The following KCNJ6 variants were observed in gnomAD, a reference collection of about 807,000 sequenced individuals.
KCNJ6 encodes potassium inwardly rectifying channel subfamily J member 6.
KCNJ6 carries 9 observed loss-of-function variants against 34.2 expected under a neutral mutation model. The ratio of observed to expected loss-of-function variants is 0.26; its 90% CI spans 0.16 to 0.46. The LOEUF is 0.46. Among genes scored for constraint, KCNJ6 ranks in the 20% least tolerant of loss-of-function variants. The probability of loss-of-function intolerance (pLI) is 1.00; values close to 1 mark genes in which losing one functional copy is unlikely to be tolerated. For synonymous variants in KCNJ6, 196 were observed against 207.1 expected (o/e 0.95, Z 0.46); for missense variants, 236 against 531.3 (o/e 0.44, Z 5.46).
intron 3 of KCNJ6, among the ~76,000 whole-genome samples, chr21:37,662,386 G>A (rs1384749725): frequency 6.6e-6 from 1 of 152,178 alleles, no homozygotes; most frequent in Non-Finnish European, 1.5e-5. Flanking sequence ...GGTTTGCTAA[G>A]GATAATGGCT....
chr21:37,810,282 T>C (rs116707046), intron 2 of KCNJ6, among the ~76,000 whole-genome samples: 2 of 152,230 alleles, frequency 1.3e-5, no homozygotes, highest in East Asian at 1.9e-4. Context: ...TGAATGATTA[T>C]ACCATAATTA....
intron 1 of KCNJ6, among the ~76,000 whole-genome samples, chr21:37,870,328 G>A (rs541961082): frequency 6.6e-6 from 1 of 150,844 alleles, no homozygotes; most frequent in East Asian, 2.0e-4. Context: ...GCCATCAATA[G>A]CCAGCATTAA....
intron 3 of KCNJ6, among the ~76,000 whole-genome samples, chr21:37,674,226 G>A (rs1054787202): frequency 8.5e-5 from 13 of 152,138 alleles, no homozygotes; most frequent in Non-Finnish European, 1.9e-4. Context: ...GCTGCTATCT[G>A]CACATTGTGT....
chr21:37,705,157 G>T (rs1288258538), intron 3 of KCNJ6, among the ~76,000 whole-genome samples: 1 of 152,178 alleles, frequency 6.6e-6, no homozygotes, highest in South Asian at 2.1e-4. Flanking sequence ...AGCCATAGTT[G>T]TCGGTGCATT....
intron 1 of KCNJ6, among the ~76,000 whole-genome samples, chr21:37,914,008 GGTGTGTGTGTGTGTGTGTGT>G (rs371432862): frequency 3.5e-4 from 47 of 135,584 alleles, no homozygotes; most frequent in African/African-American, 5.8e-4. Flanking sequence ...GGCGGATCGG[GGTGTGTGTGTGTGTGTGTGT>G]GTGTGTGTGT....
chr21:37,764,647 G>C (rs2055082297), intron 2 of KCNJ6, among the ~76,000 whole-genome samples: 1 of 152,114 alleles, frequency 6.6e-6, no homozygotes, highest in African/African-American at 2.4e-5. Flanking sequence ...CCAAGTGCCG[G>C]GATTACAGGT....
chr21:37,655,178 TTTGTGTGTGTGTGTGTGTGTGTGTGTGTG>T (rs2054452355), intron 3 of KCNJ6, among the ~76,000 whole-genome samples: 1 of 78,038 alleles, frequency 1.3e-5, no homozygotes, highest in Admixed American at 1.6e-4. Context: ...ACTCTAGACA[TTTGTGTGTGTGTGTGTGTGTGTGTGTGTG>T]TGTGTGTGTG....
At chr21:37,882,911 T>C (rs1303148386) in intron 1 of KCNJ6, among the ~76,000 whole-genome samples, 1 of 152,228 alleles carries the variant, frequency 6.6e-6, no homozygotes, top group African/African-American at 2.4e-5. Context: ...GTGTGTTGTG[T>C]GCAAACAAGT....
chr21:37,691,612 G>A (rs1463975994), intron 3 of KCNJ6, among the ~76,000 whole-genome samples: 2 of 152,190 alleles, frequency 1.3e-5, no homozygotes, highest in Admixed American at 6.5e-5. Context: ...ATGGTTTCCA[G>A]GAACATCTTC....
rs2054245679 is a variant in KCNJ6, at chr21:37,612,380, A to G, written c.*12779T>C. The G allele has an allele frequency of 6.6e-6, 1 of 152,252 alleles. No homozygotes were observed. Among genetic ancestry groups the G allele is most frequent in the Non-Finnish European group, 1.5e-5 (1 of 68,032 alleles). The allele number at this position is 152,252 out of a possible 1,614,324, so 9.4% of individuals were successfully genotyped here. ...AGAAGAACTAAGTAAATACAGAGAT[A>G]TTCCATTTCATGGAGGGACTCAATA... On this transcript the variant is annotated 3_prime_UTR_variant, in exon 4 of 4. Coordinates refer to ENST00000609713, the MANE Select transcript of KCNJ6 (RefSeq NM_002240.5).
At chr21:37,643,658 C>A (rs1274700505) in intron 3 of KCNJ6, among the ~76,000 whole-genome samples, 8 of 152,158 alleles carry the variant, frequency 5.3e-5, no homozygotes, top group South Asian at 2.1e-4. Context: ...TGAGGAAAAG[C>A]TAAATTTGTC....
intron 3 of KCNJ6, among the ~76,000 whole-genome samples, chr21:37,701,260 C>T (rs759445193): frequency 4.6e-5 from 7 of 152,188 alleles, no homozygotes; most frequent in African/African-American, 1.7e-4. Context: ...GGGGAACCAC[C>T]GAGGTTTTGA....
intron 1 of KCNJ6, among the ~76,000 whole-genome samples, chr21:37,901,418 C>G (rs1422408051): frequency 6.6e-6 from 1 of 152,084 alleles, no homozygotes; most frequent in East Asian, 1.9e-4. Flanking sequence ...GTATGGAAAC[C>G]ACATGGAAAT....
rs1601510749 is a variant in KCNJ6, at chr21:37,871,536, G to A, written c.-27-30827C>T. On this transcript the variant is annotated intron_variant, in intron 1 of 3. Coordinates refer to ENST00000609713, the MANE Select transcript of KCNJ6 (RefSeq NM_002240.5). ...CCTTGACAGGAGGACAGAAATCTGG[G>A]CACAACCACACCCTGGGCTCTGAGA... Among the ~76,000 whole-genome samples, 3 of 152,238 alleles carry A rather than the reference G, an allele frequency of 2.0e-5. No individual in the cohort carries two copies. The South Asian group carries it at 6.2e-4, about 32-fold the overall frequency.
At chr21:37,637,057 C>T (rs1398944751) in intron 3 of KCNJ6, among the ~76,000 whole-genome samples, 2 of 152,186 alleles carry the variant, frequency 1.3e-5, no homozygotes, top group Non-Finnish European at 1.5e-5. Context: ...TTCCTTTACT[C>T]CTGTGCCCAT....
chr21:37,859,272 T>C (rs1338603033), intron 1 of KCNJ6, among the ~76,000 whole-genome samples: 1 of 151,674 alleles, frequency 6.6e-6, no homozygotes. Flanking sequence ...GTTCCACTTA[T>C]GTTTAAGAAA....
chr21:37,834,553 C>T (rs2055442470), intron 2 of KCNJ6, among the ~76,000 whole-genome samples: 1 of 152,236 alleles, frequency 6.6e-6, no homozygotes, highest in Non-Finnish European at 1.5e-5. Flanking sequence ...CAGGCAGGAA[C>T]CCCATCTTTT....
intron 2 of KCNJ6, among the ~76,000 whole-genome samples, chr21:37,768,738 G>T (rs2055103088): frequency 6.6e-6 from 1 of 152,206 alleles, no homozygotes; most frequent in South Asian, 2.1e-4. Context: ...CTGTCCCCAT[G>T]CTCCTAATAT....
chr21:37,696,516 G>A (rs992923938), intron 3 of KCNJ6, among the ~76,000 whole-genome samples: 5 of 152,096 alleles, frequency 3.3e-5, no homozygotes, highest in African/African-American at 1.2e-4. Flanking sequence ...AAAAATTAAT[G>A]TCATGAAAGA....
Sources: gnomAD v4.1 joint callset for allele counts (sites outside exome capture counted in the v4.1 genomes callset) on GRCh38, gnomAD v4.1.1 for gene constraint, MANE v1.5 for transcripts, NCBI Gene and HGNC (gene_info 2026-07-23, HGNC 2026-07-21) for gene names.